FRAS1: variants seen among roughly 807,000 people sequenced by gnomAD.
FRAS1 encodes Fraser extracellular matrix complex subunit 1.
A neutral mutation model predicts 435.2 loss-of-function variants in FRAS1; 290 were observed. The ratio of observed to expected loss-of-function variants is 0.67; its 90% CI spans 0.61 to 0.73. The LOEUF (loss-of-function observed/expected upper bound fraction) is 0.73, where lower values mean the gene tolerates loss of function less well. Among genes scored for constraint, FRAS1 ranks in the 30% least tolerant of loss-of-function variants. FRAS1 has a pLI of 0.00. For synonymous variants in FRAS1, 1,800 were observed against 1,851.0 expected (o/e 0.97, Z 0.71); for missense variants, 4,860 against 5,001.5 (o/e 0.97, Z 0.85).
At chr4:78,235,000 C>T (rs1578199363) in intron 2 of FRAS1, among the ~76,000 whole-genome samples, 1 of 152,182 alleles carries the variant, frequency 6.6e-6, no homozygotes, top group East Asian at 1.9e-4. Context: ...ATCATTGCGA[C>T]TGGCAAGTTC....
At chr4:78,418,849 A>G in intron 32 of FRAS1, 100 bp from the exon 33 acceptor site, 1 of 653,418 alleles carries the variant, frequency 1.5e-6, no homozygotes, top group Non-Finnish European at 2.6e-6. Flanking sequence ...GACTAATTTA[A>G]AAGCCCAGAG....
At chr4:78,261,594 G>T (rs1423696505) in intron 6 of FRAS1, among the ~76,000 whole-genome samples, 1 of 152,086 alleles carries the variant, frequency 6.6e-6, no homozygotes, top group Non-Finnish European at 1.5e-5. Flanking sequence ...AGACTCTCAT[G>T]TGAGAGATGC....
At chr4:78,276,542 C>T (rs11725268) in intron 9 of FRAS1, among the ~76,000 whole-genome samples, 26,636 of 152,260 alleles carry the variant, frequency 0.17, 3,109 homozygotes, top group Non-Finnish European at 0.26. Context: ...CAGTCAGGAC[C>T]TTCAGCTGCA....
Position 78,284,470 on chromosome 4 carries a change from C to G in FRAS1, c.1321C>G (p.Pro441Ala). ...AGACCACTGTGACCTCTGCCAAGAT[C>G]CTACCAAGTTACTGCAGAATGGATG... ...SPDHCDLCQD[P>A]TKLLQNGWCV... The change falls in exon 13 of 74, where the codon CCT becomes GCT. Residue 441 changes from proline to alanine, a missense_variant. By Grantham distance (27) the Pro-to-Ala change is conservative. Transcript: ENST00000512123. The G allele has an allele frequency of 3.1e-6, 5 of 1,613,846 alleles. No individual in the cohort carries two copies. The highest frequency in any genetic ancestry group is 3.4e-6 in the Non-Finnish European group (4 of 1,179,826).
chr4:78,307,091 C>T lies in FRAS1; in HGVS notation c.1535-975C>T, dbSNP rs144483003. 3.5e-3 allele frequency among the ~76,000 whole-genome samples: 533 copies of T among 152,252 alleles called. 9 individuals are homozygous for T. The highest frequency in any genetic ancestry group is 0.012 in the African/African-American group (504 of 41,542). On this transcript the variant is annotated intron_variant, in intron 14 of 73. Coordinates refer to ENST00000512123, the MANE Select transcript of FRAS1 (RefSeq NM_025074.7). ...TTAGTTTTCCTTCTAACAGACAGGA[C>T]CCTCAGCTTCAGGTCTGTTGGAGTA...
chr4:78,347,258 C>T (rs412797), intron 20 of FRAS1, among the ~76,000 whole-genome samples: 25,778 of 152,106 alleles, frequency 0.17, 2,885 homozygotes, highest in African/African-American at 0.32. Flanking sequence ...CTCATAGATA[C>T]TGCATATCTC....
chr4:78,094,552 T>C (rs1741696494), intron 2 of FRAS1, among the ~76,000 whole-genome samples: 2 of 152,134 alleles, frequency 1.3e-5, no homozygotes, highest in Non-Finnish European at 2.9e-5. Context: ...CTTAATAATA[T>C]AGAGTGTTCT....
chr4:78,260,441 A>G (rs1218490806), intron 6 of FRAS1, among the ~76,000 whole-genome samples: 1 of 152,080 alleles, frequency 6.6e-6, no homozygotes, highest in Non-Finnish European at 1.5e-5. Flanking sequence ...TTGGATTCCT[A>G]GGTATTTTAT....
At chr4:78,250,337 G>T (rs1283253338) in intron 4 of FRAS1, among the ~76,000 whole-genome samples, 1 of 152,124 alleles carries the variant, frequency 6.6e-6, no homozygotes, top group East Asian at 1.9e-4. Flanking sequence ...TGTGTTTTAT[G>T]TCTTGCCTTT....
intron 47 of FRAS1, among the ~76,000 whole-genome samples, chr4:78,454,750 C>T (rs938994200): frequency 6.6e-6 from 1 of 152,148 alleles, no homozygotes; most frequent in Non-Finnish European, 1.5e-5. Flanking sequence ...CAGTAGCAGC[C>T]CCAGCTCTTC....
chr4:78,346,992 C>T (rs1730627200), intron 20 of FRAS1, among the ~76,000 whole-genome samples: 1 of 152,118 alleles, frequency 6.6e-6, no homozygotes, highest in East Asian at 1.9e-4. Flanking sequence ...TCTATTTTCT[C>T]CTTAGATTTC....
At chr4:78,277,727 T>A (rs968834666) in intron 9 of FRAS1, among the ~76,000 whole-genome samples, 11 of 152,226 alleles carry the variant, frequency 7.2e-5, no homozygotes, top group African/African-American at 2.6e-4. Flanking sequence ...AAATTATTGA[T>A]ATTGGGAAAT....
intron 34 of FRAS1, among the ~76,000 whole-genome samples, chr4:78,422,535 C>T (rs955017644): frequency 2.0e-5 from 3 of 151,904 alleles, no homozygotes; most frequent in Non-Finnish European, 2.9e-5. Context: ...GGAAAATGTC[C>T]CTGAAGGAAG....
At chr4:78,197,769 A>G (rs990532355) in intron 2 of FRAS1, among the ~76,000 whole-genome samples, 3 of 151,958 alleles carry the variant, frequency 2.0e-5, no homozygotes, top group Non-Finnish European at 4.4e-5. Context: ...GTGAAACCCC[A>G]TCTCTACTAA....
intron 57 of FRAS1, 74 bp from the exon 58 acceptor site, chr4:78,482,314 C>T (rs1720034416): frequency 6.5e-7 from 1 of 1,548,510 alleles, no homozygotes; most frequent in African/African-American, 1.4e-5. Flanking sequence ...CAAGTTGTGA[C>T]CTTTGCCCTA....
intron 20 of FRAS1, 142 bp downstream of exon 20, chr4:78,337,959 A>G (rs1250908787): frequency 1.3e-6 from 1 of 742,968 alleles, no homozygotes; most frequent in African/African-American, 1.8e-5. Flanking sequence ...AACTCATGTT[A>G]CTGCTTCTCC....
At chr4:78,111,676 G>A (rs1438112816) in intron 2 of FRAS1, among the ~76,000 whole-genome samples, 8 of 119,602 alleles carry the variant, frequency 6.7e-5, no homozygotes, top group Non-Finnish European at 1.2e-4. Context: ...TGGGTGCAGC[G>A]CACCAGCATG....
chr4:78,354,161 C>A (rs1180760300), intron 20 of FRAS1, among the ~76,000 whole-genome samples: 3 of 152,130 alleles, frequency 2.0e-5, no homozygotes, highest in Non-Finnish European at 4.4e-5. Context: ...CCTCCCCTTA[C>A]CCTCCCCACT....
chr4:78,067,696 A>ATTG, intron 2 of FRAS1, among the ~76,000 whole-genome samples: 1 of 130,488 alleles, frequency 7.7e-6, no homozygotes, highest in South Asian at 2.6e-4. Flanking sequence ...TATTATTATT[A>ATTG]TTATTATTAT....
Sources: allele counts gnomAD v4.1 joint callset (sites outside exome capture counted in the v4.1 genomes callset), GRCh38; gene constraint gnomAD v4.1.1; transcripts MANE v1.5; gene names NCBI Gene and HGNC (gene_info 2026-07-23, HGNC 2026-07-21).